Variants in NKAIN3 observed in about 807,000 individuals in gnomAD.
NKAIN3 encodes sodium/potassium-transporting ATPase subunit beta-1-interacting protein 3.
A neutral mutation model predicts 30.2 loss-of-function variants in NKAIN3; 25 were observed. The ratio of observed to expected loss-of-function variants is 0.83; its 90% confidence interval spans 0.60 to 1.16. NKAIN3 has a LOEUF of 1.16. Among genes scored for constraint, NKAIN3 ranks in the 50% most tolerant of loss-of-function variants. The pLI is 0.00. For missense variants in NKAIN3, 225 were observed against 254.1 expected, an observed-to-expected ratio of 0.89 and a Z score of 0.78; for synonymous variants, 91 against 89.6, an observed-to-expected ratio of 1.02 and a Z score of -0.09.
At chr8:62,694,016 T>C (rs1424924372) in intron 3 of NKAIN3, among the ~76,000 whole-genome samples, 1 of 152,214 alleles carries the variant, frequency 6.6e-6, no homozygotes, top group Admixed American at 6.5e-5. Flanking sequence ...TTTTGATATG[T>C]GTATAATATG....
chr8:62,587,088 GT>G (rs1232159880), intron 2 of NKAIN3, among the ~76,000 whole-genome samples: 1 of 151,914 alleles, frequency 6.6e-6, no homozygotes, highest in Non-Finnish European at 1.5e-5. Context: ...GATAGGGAAG[GT>G]AGGCAGTCTC....
chr8:62,322,291 C>G (rs1453927930), intron 1 of NKAIN3, among the ~76,000 whole-genome samples: 4 of 152,146 alleles, frequency 2.6e-5, no homozygotes, highest in Non-Finnish European at 5.9e-5. Context: ...GAGGCAATGC[C>G]TTGCCCTGGT....
intron 3 of NKAIN3, among the ~76,000 whole-genome samples, chr8:62,601,992 G>A (rs965254194): frequency 2.8e-4 from 42 of 151,936 alleles, no homozygotes; most frequent in African/African-American, 1.0e-3. Context: ...GCAAGGTTAA[G>A]CTCAGTCTTA....
At chr8:62,313,947 A>G (rs1814532117) in intron 1 of NKAIN3, among the ~76,000 whole-genome samples, 1 of 152,166 alleles carries the variant, frequency 6.6e-6, no homozygotes, top group African/African-American at 2.4e-5. Context: ...TTAGTCACAG[A>G]GAGGAACACA....
At chr8:62,553,785 G>A (rs368191055) in intron 1 of NKAIN3, among the ~76,000 whole-genome samples, 70 of 152,100 alleles carry the variant, frequency 4.6e-4, no homozygotes, top group East Asian at 3.9e-3. Context: ...TGATCTGCTC[G>A]CCTCAGCCTC....
rs369387085 is a variant in NKAIN3, at chr8:62,932,060, T to G, written c.532+13547T>G. The stretch of plus-strand genomic sequence containing the variant: ...AGTCCAGAGGCAAAATATTATTGTT[T>G]AATTTTAGACTTTTAAGTCCCTTAA... On this transcript the variant is annotated intron_variant, in intron 5 of 6. Transcript: ENST00000623646. Among the ~76,000 whole-genome samples the G allele has an allele frequency of 6.6e-5, 10 of 152,358 alleles. No individual in the cohort carries two copies. The East Asian group carries it at 1.7e-3, about 26-fold the overall frequency.
intron 4 of NKAIN3, chr8:62,856,199 T>C (rs1337205677): frequency 1.3e-6 from 1 of 786,908 alleles, no homozygotes; most frequent in Non-Finnish European, 2.3e-6. Context: ...TGTATTTGTA[T>C]TAAATGTCTG....
intron 1 of NKAIN3, among the ~76,000 whole-genome samples, chr8:62,480,709 A>G (rs1450507592): frequency 2.6e-5 from 4 of 152,126 alleles, no homozygotes; most frequent in African/African-American, 9.7e-5. Flanking sequence ...GTACCCAGAA[A>G]ATCATTTCCT....
chr8:62,873,517 C>T (rs1820708285), intron 4 of NKAIN3, among the ~76,000 whole-genome samples: 1 of 148,490 alleles, frequency 6.7e-6, no homozygotes, highest in Admixed American at 6.8e-5. Context: ...TTCTCTACCC[C>T]AAAACAACAG....
At chr8:62,623,340 A>G (rs912760203) in intron 3 of NKAIN3, among the ~76,000 whole-genome samples, 5 of 152,134 alleles carry the variant, frequency 3.3e-5, no homozygotes, top group Non-Finnish European at 7.4e-5. Flanking sequence ...TAACCACCAT[A>G]GCATTTTCTT....
At chr8:62,896,222 G>A (rs1821424226) in intron 4 of NKAIN3, among the ~76,000 whole-genome samples, 1 of 152,108 alleles carries the variant, frequency 6.6e-6, no homozygotes, top group African/African-American at 2.4e-5. Context: ...TGGTAGGGAA[G>A]AGAGACAAAA....
At chr8:62,561,874 A>G (rs962125223) in intron 1 of NKAIN3, among the ~76,000 whole-genome samples, 1 of 152,160 alleles carries the variant, frequency 6.6e-6, no homozygotes, top group Non-Finnish European at 1.5e-5. Flanking sequence ...TGTTTTTGTA[A>G]TGTTAACACT....
chr8:62,557,522 C>A (rs1809440289), intron 1 of NKAIN3, among the ~76,000 whole-genome samples: 1 of 152,120 alleles, frequency 6.6e-6, no homozygotes, highest in Non-Finnish European at 1.5e-5. Context: ...ACATTCCCAC[C>A]AGCAGTGTAG....
intron 4 of NKAIN3, among the ~76,000 whole-genome samples, chr8:62,791,230 G>A (rs950165259): frequency 2.0e-5 from 3 of 152,036 alleles, no homozygotes; most frequent in African/African-American, 7.2e-5. Flanking sequence ...ACATGACAGT[G>A]GAGAATATAA....
Position 62,972,115 on chromosome 8 carries a change from G to A in NKAIN3, c.*6708G>A, listed in dbSNP as rs1823848849. Among the ~76,000 whole-genome samples the A allele has an allele frequency of 6.6e-6, 1 of 152,098 alleles. No individual in the cohort carries two copies. Among genetic ancestry groups the A allele is most frequent in the Non-Finnish European group, 1.5e-5 (1 of 68,008 alleles). Reference sequence around the variant, plus strand: ...CTCTTCTGAATTGATTGGTAGTGTTGTTATTTTCTTGTTATTCAGTTTAAC... The same window carrying A: ...CTCTTCTGAATTGATTGGTAGTGTTATTATTTTCTTGTTATTCAGTTTAAC... On this transcript the variant is annotated 3_prime_UTR_variant, in exon 7 of 7. Transcript: ENST00000623646.
chr8:62,664,014 A>G (rs1813023966), intron 3 of NKAIN3, among the ~76,000 whole-genome samples: 2 of 152,078 alleles, frequency 1.3e-5, no homozygotes, highest in African/African-American at 2.4e-5. Context: ...ATTTTTCATC[A>G]TATATCTGGG....
intron 1 of NKAIN3, among the ~76,000 whole-genome samples, chr8:62,501,262 G>GTGGAT: frequency 6.6e-6 from 1 of 152,088 alleles, no homozygotes; most frequent in Non-Finnish European, 1.5e-5. Flanking sequence ...TCCATGAGTA[G>GTGGAT]CTACTGGGGG....
At chr8:62,321,577 A>G (rs1364189427) in intron 1 of NKAIN3, among the ~76,000 whole-genome samples, 4 of 152,090 alleles carry the variant, frequency 2.6e-5, no homozygotes, top group Non-Finnish European at 4.4e-5. Context: ...GGTCTGTTGG[A>G]TTTTGCTGGA....
At chr8:62,448,013 A>G (rs2129598663) in intron 1 of NKAIN3, among the ~76,000 whole-genome samples, 1 of 152,082 alleles carries the variant, frequency 6.6e-6, no homozygotes, top group East Asian at 1.9e-4. Context: ...AAAGGAAATC[A>G]CCTTGATAAA....
Sources: gnomAD v4.1 joint callset for allele counts (sites outside exome capture counted in the v4.1 genomes callset) on GRCh38, gnomAD v4.1.1 for gene constraint, MANE v1.5 for transcripts, NCBI Gene and HGNC (gene_info 2026-07-23, HGNC 2026-07-21) for gene names.